The following SGSM2 variants were observed in gnomAD, a reference collection of about 807,000 sequenced individuals.
SGSM2 encodes the protein small G protein signaling modulator 2.
SGSM2 carries 89 observed loss-of-function variants against 126.6 expected under a neutral mutation model. That is an observed-to-expected ratio of 0.70 (90% confidence interval 0.59 to 0.84). The LOEUF is 0.84. Ranked by LOEUF, SGSM2 falls within the 40% of genes least tolerant of loss-of-function variation. SGSM2 has a pLI of 0.00. For missense variants in SGSM2, 1,404 were observed against 1,416.6 expected (o/e 0.99, Z 0.14); for synonymous variants, 614 against 574.3 (o/e 1.07, Z -0.99).
intron 2 of SGSM2, among the ~76,000 whole-genome samples, chr17:2,352,897 C>G (rs2064925636): frequency 7.2e-6 from 1 of 138,800 alleles, no homozygotes; most frequent in Non-Finnish European, 1.5e-5. Context: ...CCTGCCTCAG[C>G]CTCCCGAGTA....
intron 2 of SGSM2, among the ~76,000 whole-genome samples, chr17:2,349,033 G>T (rs1222056320): frequency 6.6e-6 from 1 of 151,722 alleles, no homozygotes; most frequent in Non-Finnish European, 1.5e-5. Flanking sequence ...CAAAGTGCTG[G>T]GATTACAGGC....
At chr17:2,354,641 G>T (rs570307571) in intron 2 of SGSM2, among the ~76,000 whole-genome samples, 1 of 152,340 alleles carries the variant, frequency 6.6e-6, no homozygotes, top group Non-Finnish European at 1.5e-5. Flanking sequence ...TCAGAAGAGG[G>T]GTTACTGGAT....
Position 2,363,624 on chromosome 17 carries a change from C to G in SGSM2, c.807+25C>G. On this transcript the variant is annotated intron_variant, in intron 7 of 23. Coordinates refer to ENST00000268989, the MANE Select transcript of SGSM2 (RefSeq NM_014853.3). This position sits in a 1 kb window ranked among gnomAD's most constrained non-coding sequence, Gnocchi z 4.2. The stretch of plus-strand genomic sequence containing the variant: ...GGTAGGAAAGCTTCATCCTGCCATC[C>G]CTCCCCGAAGGTCCCCGAACGAGAC... The G allele has an allele frequency of 6.2e-7, 1 of 1,610,044 alleles. No individual in the cohort carries two copies. The highest frequency in any genetic ancestry group is 8.5e-7 in the Non-Finnish European group (1 of 1,177,434).
rs571551748 is a variant in SGSM2 at position 2,372,442 on chromosome 17, C to T, written c.1742C>T (p.Ala581Val). 77 of 1,599,602 alleles carry T rather than the reference C, an allele frequency of 4.8e-5. No individual in the cohort carries two copies. The highest frequency in any genetic ancestry group is 1.7e-4 in the Middle Eastern group (1 of 5,856). The stretch of plus-strand genomic sequence containing the variant: ...CCTGACCGGCCCCCGGGGGCCTCCG[C>T]GGGCCTCACCAAGGACGTGTGGAGC... Reference protein sequence around the residue: ...IPPDRPPGASAGLTKDVWSKY... With the variant: ...IPPDRPPGASVGLTKDVWSKY... The change falls in exon 15 of 24, where the codon GCG becomes GTG. Residue 581 changes from alanine to valine, a missense_variant. Transcript: ENST00000268989. The surrounding 1 kb of genome is among the most constrained non-coding windows in gnomAD (Gnocchi z 6.0).
chr17:2,338,573 TA>T (rs1163535572), intron 1 of SGSM2, among the ~76,000 whole-genome samples: 3 of 152,114 alleles, frequency 2.0e-5, no homozygotes, highest in African/African-American at 7.2e-5. Flanking sequence ...GCCTGGTAAG[TA>T]AACTCCACCA....
chr17:2,340,791 A>C (rs142769156), intron 1 of SGSM2, among the ~76,000 whole-genome samples: 109 of 151,472 alleles, frequency 7.2e-4, no homozygotes, highest in Admixed American at 1.9e-3. Flanking sequence ...TCACCATGTT[A>C]GCCAGGATGG....
intron 13 of SGSM2, chr17:2,371,794 A>G (rs955296028): frequency 2.6e-6 from 1 of 383,168 alleles, no homozygotes; most frequent in East Asian, 5.8e-5. Context: ...CCACCTGAGG[A>G]CACTCAGCAG....
intron 9 of SGSM2, 27 bp downstream of exon 9, chr17:2,364,690 G>A (rs781286066): frequency 8.7e-6 from 14 of 1,613,628 alleles, no homozygotes; most frequent in Admixed American, 1.7e-5. Context: ...CTCGGCTCGG[G>A]TGGGAAGGGA....
chr17:2,372,564 T>G lies in SGSM2; in HGVS notation c.1788+76T>G. 1.9e-6 allele frequency: 3 copies of G among 1,545,378 alleles called. No homozygotes were observed. Among genetic ancestry groups the G allele is most frequent in the Non-Finnish European group, 2.6e-6 (3 of 1,144,298 alleles). On this transcript the variant is annotated intron_variant, in intron 15 of 23. Coordinates refer to ENST00000268989, the MANE Select transcript of SGSM2 (RefSeq NM_014853.3). The surrounding 1 kb of genome is among the most constrained non-coding windows in gnomAD (Gnocchi z 6.0). The stretch of plus-strand genomic sequence containing the variant: ...GGAGTGAGGGCTTCAGGGTAAAATG[T>G]GCCAGTGGGTGCGGTTGACAGGCCA...
chr17:2,362,727 T>C lies in SGSM2; in HGVS notation c.459-111T>C. ...CCAGTCCCTAAGGACTCACTGTTTC[T>C]TGATGACTGATCTGAATCTGGTCTT... is the stretch of plus-strand genomic sequence containing the variant. On this transcript the variant is annotated intron_variant, in intron 4 of 23. Coordinates refer to ENST00000268989, the MANE Select transcript of SGSM2 (RefSeq NM_014853.3). The surrounding 1 kb of genome is among the most constrained non-coding windows in gnomAD (Gnocchi z 4.9). 1 of 1,107,112 alleles carries C rather than the reference T, an allele frequency of 9.0e-7. No homozygotes were observed. Among genetic ancestry groups the C allele is most frequent in the African/African-American group, 1.5e-5 (1 of 65,252 alleles). 68.6% of individuals were successfully genotyped at this position (1,107,112 alleles called of 1,614,324 possible). A position where few individuals can be genotyped will look rare whatever the true frequency, so the allele number is the denominator to read the frequency against.
At chr17:2,364,569 A>G in intron 8 of SGSM2, 27 bp from the exon 9 acceptor site, 3 of 1,613,278 alleles carry the variant, frequency 1.9e-6, no homozygotes, top group Non-Finnish European at 2.5e-6. Flanking sequence ...CTTTGGACAC[A>G]GTGACAGCAG....
intron 1 of SGSM2, among the ~76,000 whole-genome samples, chr17:2,342,716 G>T (rs913743738): frequency 6.8e-6 from 1 of 147,852 alleles, no homozygotes; most frequent in Non-Finnish European, 1.5e-5. Context: ...AGTGGCTCAC[G>T]CCTGTAATCC....
intron 23 of SGSM2, 97 bp from the exon 24 acceptor site, chr17:2,379,335 T>C: frequency 6.4e-7 from 1 of 1,565,414 alleles, no homozygotes; most frequent in Admixed American, 1.8e-5. Context: ...GTCAAGAATC[T>C]AGCAGAGCAG....
In SGSM2 at chr17:2,352,149, C is replaced by A. The variant is rs144701326; in HGVS notation, c.133+8529C>A. On this transcript the variant is annotated intron_variant, in intron 2 of 23. Coordinates refer to ENST00000268989, the MANE Select transcript of SGSM2 (RefSeq NM_014853.3). ...GGAGTAAAGATACTTGATGCTTCTT[C>A]TCCTTCAGTTGTTACTTGAAAGAGG... Among the ~76,000 whole-genome samples, 220 of 152,340 alleles carry A rather than the reference C, an allele frequency of 1.4e-3. 1 individual carries two copies. The highest frequency in any genetic ancestry group is 5.1e-3 in the African/African-American group (211 of 41,572).
intron 19 of SGSM2, 79 bp downstream of exon 19, chr17:2,376,340 G>A (rs965480001): frequency 1.5e-5 from 23 of 1,575,870 alleles, no homozygotes; most frequent in Non-Finnish European, 2.0e-5. Context: ...TCCGGAAGGT[G>A]CCCTGCTCCT....
intron 2 of SGSM2, among the ~76,000 whole-genome samples, chr17:2,357,030 G>GC (rs1289302358): frequency 6.6e-6 from 1 of 151,998 alleles, no homozygotes; most frequent in Non-Finnish European, 1.5e-5. Context: ...GGGTTGGGGT[G>GC]CCCATAGGAT....
intron 1 of SGSM2, among the ~76,000 whole-genome samples, chr17:2,340,640 C>T (rs150377492): frequency 4.0e-5 from 6 of 150,478 alleles, no homozygotes; most frequent in Admixed American, 4.0e-4. Flanking sequence ...GCTGGAGTGC[C>T]GTGGCGCCAT....
chr17:2,343,543 AG>A lies in SGSM2; in HGVS notation c.58del. On this transcript the variant is annotated splice_acceptor_variant, in intron 1 of 23. Coordinates refer to ENST00000268989, the MANE Select transcript of SGSM2 (RefSeq NM_014853.3). LOFTEE classifies it high-confidence loss of function. ...GCAGTGATGCTGTCCATGTGTCCGC[AG>A]GTGAAGCAAATCATGGAGGAGGCTG... 3 of 1,614,070 alleles carry A rather than the reference AG, an allele frequency of 1.9e-6. No homozygotes were observed. Among genetic ancestry groups the A allele is most frequent in the East Asian group, 4.5e-5 (2 of 44,890 alleles).
At chr17:2,373,145 G>A (rs1017250543) in intron 16 of SGSM2, 64 bp downstream of exon 16, 8 of 1,594,894 alleles carry the variant, frequency 5.0e-6, no homozygotes, top group Non-Finnish European at 6.8e-6. Flanking sequence ...ACGCCAGGGA[G>A]GGGACCTTGG....
Sources: allele counts gnomAD v4.1 joint callset (sites outside exome capture counted in the v4.1 genomes callset), GRCh38; gene constraint gnomAD v4.1.1; non-coding constraint Gnocchi (gnomAD v3.1); transcripts MANE v1.5; gene names NCBI Gene and HGNC (gene_info 2026-07-23, HGNC 2026-07-21).